Variants in PLIN3 observed in about 807,000 individuals in gnomAD.
PLIN3 encodes perilipin-3.
Under a neutral mutation model 35.9 loss-of-function variants are expected in PLIN3, and 30 were observed. That is an observed-to-expected ratio of 0.84 (90% confidence interval 0.62 to 1.13). PLIN3 has a LOEUF of 1.13. PLIN3 is among the 50% of genes most tolerant of loss of function. The probability of loss-of-function intolerance (pLI) is 0.00; values close to 1 mark genes in which losing one functional copy is unlikely to be tolerated. For synonymous variants in PLIN3, 261 were observed against 262.5 expected (o/e 0.99, Z 0.06); for missense variants, 603 against 596.9 (o/e 1.01, Z -0.11).
At chr19:4,849,785 T>C (rs1250426117) in intron 5 of PLIN3, among the ~76,000 whole-genome samples, 1 of 151,826 alleles carries the variant, frequency 6.6e-6, no homozygotes, top group African/African-American at 2.4e-5. Flanking sequence ...CCTGAGTAGC[T>C]GGGATTACAG....
intron 6 of PLIN3, 34 bp from the exon 7 acceptor site, chr19:4,844,827 G>C (rs1431054521): frequency 1.3e-6 from 2 of 1,562,950 alleles, no homozygotes; most frequent in South Asian, 1.2e-5. Flanking sequence ...AGGGAAGGAG[G>C]CTCCCCTGGG....
chr19:4,851,996 A>G lies in PLIN3; in HGVS notation c.634+20T>C, dbSNP rs1269477514. Reference sequence around the variant, plus strand: ...GGGGCCTGGGGAGGGGTCCCAGAGCAGCCCGCTGGCCACACTTACCCAGTT... The same window carrying G: ...GGGGCCTGGGGAGGGGTCCCAGAGCGGCCCGCTGGCCACACTTACCCAGTT... On this transcript the variant is annotated intron_variant, in intron 5 of 7. Transcript: ENST00000221957. 1 of 1,604,360 alleles carries G rather than the reference A, an allele frequency of 6.2e-7. No individual in the cohort carries two copies. Among genetic ancestry groups the G allele is most frequent in the Non-Finnish European group, 8.5e-7 (1 of 1,173,638 alleles).
intron 1 of PLIN3, 103 bp from the exon 2 acceptor site, chr19:4,861,514 T>C: frequency 2.7e-6 from 2 of 752,488 alleles, no homozygotes; most frequent in Non-Finnish European, 4.6e-6. Flanking sequence ...CACCTGCCCA[T>C]GACTTACAGC....
chr19:4,842,152 C>T (rs1047216078), intron 7 of PLIN3, among the ~76,000 whole-genome samples: 31 of 151,310 alleles, frequency 2.0e-4, no homozygotes, highest in East Asian at 5.9e-4. Context: ...TTAGGCCGGG[C>T]GCAGTGGGTC....
intron 7 of PLIN3, among the ~76,000 whole-genome samples, chr19:4,841,188 C>G (rs1436910859): frequency 2.0e-5 from 3 of 152,072 alleles, no homozygotes; most frequent in Non-Finnish European, 4.4e-5. Flanking sequence ...CACAGGGGCA[C>G]AGCAAAAAGT....
rs1242639507 is a variant in PLIN3 at position 4,847,767 on chromosome 19, T to C, written c.758A>G (p.His253Arg). ...GGTGGCTCGAAGCTTGCCCAGCGAG[T>C]GCTCATAGGCGTGCTGCCGCAGCCT... ...SERLRQHAYE[H>R]SLGKLRATKQ... The change falls in exon 6 of 8, where the codon CAC becomes CGC. Residue 253 changes from histidine (H) to arginine (R), a missense_variant. Coordinates refer to ENST00000221957, the MANE Select transcript of PLIN3 (RefSeq NM_005817.5). 1.7e-5 allele frequency: 28 copies of C among 1,613,036 alleles called. No homozygotes were observed. The highest frequency in any genetic ancestry group is 2.4e-5 in the Non-Finnish European group (28 of 1,179,762).
intron 1 of PLIN3, among the ~76,000 whole-genome samples, chr19:4,864,238 C>G (rs1282089293): frequency 6.6e-6 from 1 of 151,334 alleles, no homozygotes; most frequent in Admixed American, 6.6e-5. Context: ...CTGTAACCTC[C>G]GCCTTCTGGG....
Position 4,853,482 on chromosome 19 carries a change from T to G in PLIN3, c.349-1181A>C, listed in dbSNP as rs2030371994. On this transcript the variant is annotated intron_variant, in intron 4 of 7. Transcript: ENST00000221957. ...CTGGGATTACAAGCACATGCCACCA[T>G]GCCGAGCCGATTTTTGTATTTTTAG... is the stretch of plus-strand genomic sequence containing the variant. Among the ~76,000 whole-genome samples, 3 of 151,734 alleles carry G rather than the reference T, an allele frequency of 2.0e-5. No homozygotes were observed. In the South Asian group the frequency reaches 6.2e-4, roughly 32 times the overall value.
At position 4,839,545 on chromosome 19, in the gene PLIN3, G is replaced by T; in HGVS notation, c.961-9C>A. The T allele has an allele frequency of 1.3e-6, 2 of 1,506,524 alleles. No homozygotes were observed. The highest frequency in any genetic ancestry group is 1.8e-6 in the Non-Finnish European group (2 of 1,125,548). 93.3% of individuals were successfully genotyped at this position (1,506,524 alleles called of 1,614,324 possible). On this transcript the variant is annotated splice_polypyrimidine_tract_variant and intron_variant, in intron 7 of 7. Transcript: ENST00000221957. ...GCCCGGGACTCGACCTGCTGAGAAG[G>T]GAGATGGGGACACCAATCAGGACCA...
At chr19:4,848,842 G>A (rs2030192474) in intron 5 of PLIN3, among the ~76,000 whole-genome samples, 1 of 152,134 alleles carries the variant, frequency 6.6e-6, no homozygotes, top group Admixed American at 6.6e-5. Context: ...ACTCCAGCCT[G>A]GGTGAGAGTG....
At position 4,847,886 on chromosome 19, in the gene PLIN3, G is replaced by C; in HGVS notation, c.639C>G (p.Arg213=). 1 of 1,612,926 alleles carries C rather than the reference G, an allele frequency of 6.2e-7. No individual in the cohort carries two copies. The change falls in exon 6 of 8, where the codon CGC becomes CGG. Residue 213 remains arginine, a synonymous_variant. Coordinates refer to ENST00000221957, the MANE Select transcript of PLIN3 (RefSeq NM_005817.5). ...CAAAGCCATCCAGGGATGTGGCGAT[G>C]CGGGCTGCAAGGAAAAGGAGAAGGG... ...HLPLTDAELA[R]IATSLDGFDV... is the part of the protein sequence containing the mutation.
intron 4 of PLIN3, 84 bp downstream of exon 4, chr19:4,859,506 T>C: frequency 1.7e-6 from 2 of 1,151,156 alleles, no homozygotes; most frequent in South Asian, 1.2e-5. Context: ...GCCATCAAGC[T>C]TGTCTAGTTA....
chr19:4,853,729 CT>C (rs1200844261), intron 4 of PLIN3, among the ~76,000 whole-genome samples: 59 of 151,918 alleles, frequency 3.9e-4, no homozygotes, highest in Non-Finnish European at 6.9e-4. Flanking sequence ...GGGAGAATCC[CT>C]TGAACCCGGG....
intron 4 of PLIN3, among the ~76,000 whole-genome samples, chr19:4,853,140 T>C (rs1377654526): frequency 6.6e-6 from 1 of 150,678 alleles, no homozygotes; most frequent in Admixed American, 6.6e-5. Context: ...TTCAATTTAA[T>C]TTTTTTTCTT....
At chr19:4,855,430 C>G (rs562388572) in intron 4 of PLIN3, among the ~76,000 whole-genome samples, 28 of 151,992 alleles carry the variant, frequency 1.8e-4, no homozygotes, top group Non-Finnish European at 3.4e-4. Flanking sequence ...TTGACGTTTC[C>G]CATCTTCCTG....
At chr19:4,843,064 G>C (rs557064407) in intron 7 of PLIN3, among the ~76,000 whole-genome samples, 90 of 151,004 alleles carry the variant, frequency 6.0e-4, no homozygotes, top group African/African-American at 2.0e-3. Flanking sequence ...CTACTAAAAA[G>C]TACAAAAATT....
intron 5 of PLIN3, among the ~76,000 whole-genome samples, chr19:4,851,254 CAGG>C (rs1466958307): frequency 6.6e-6 from 1 of 152,074 alleles, no homozygotes; most frequent in Non-Finnish European, 1.5e-5. Flanking sequence ...ATCACAAGGT[CAGG>C]AGTTCGAGAC....
intron 6 of PLIN3, among the ~76,000 whole-genome samples, chr19:4,846,175 G>A (rs2030089183): frequency 6.6e-6 from 1 of 151,870 alleles, no homozygotes; most frequent in Non-Finnish European, 1.5e-5. Flanking sequence ...GCAGTGAGCT[G>A]AGATCGCGCC....
rs2093624261 is a variant in PLIN3 at position 4,838,860 on chromosome 19, T to G, written c.*332A>C. 5.8e-6 allele frequency: 1 copy of G among 172,226 alleles called. No homozygotes were observed. The highest frequency in any genetic ancestry group is 6.0e-5 in the Admixed American group (1 of 16,710). 10.7% of individuals were successfully genotyped at this position (172,226 alleles called of 1,614,324 possible). A position where few individuals can be genotyped will look rare whatever the true frequency, so the allele number is the denominator to read the frequency against. ...CCTCCCAAAGTGCTGGGATTACAGGTGTGAGCCACCGCACCCGGCCTATAT... is the reference window on the plus strand; with the variant it reads ...CCTCCCAAAGTGCTGGGATTACAGGGGTGAGCCACCGCACCCGGCCTATAT... On this transcript the variant is annotated 3_prime_UTR_variant, in exon 8 of 8. Coordinates refer to ENST00000221957, the MANE Select transcript of PLIN3 (RefSeq NM_005817.5).
Sources: allele counts gnomAD v4.1 joint callset (sites outside exome capture counted in the v4.1 genomes callset), GRCh38; gene constraint gnomAD v4.1.1; transcripts MANE v1.5; gene names NCBI Gene and HGNC (gene_info 2026-07-23, HGNC 2026-07-21).